The following TSPAN17 variants were observed in gnomAD, a reference collection of about 807,000 sequenced individuals.
TSPAN17 encodes tetraspanin 17.
In TSPAN17, 33 loss-of-function variants were observed where a neutral mutation model predicts 40.5. The ratio of observed to expected loss-of-function variants is 0.81; its 90% CI spans 0.62 to 1.09. The LOEUF (loss-of-function observed/expected upper bound fraction) is 1.09. TSPAN17 is among the 50% of genes least tolerant of loss of function. TSPAN17 has a pLI of 0.00. For synonymous variants in TSPAN17, 166 were observed against 169.4 expected, an observed-to-expected ratio of 0.98 and a Z score of 0.15; for missense variants, 365 against 416.8, an observed-to-expected ratio of 0.88 and a Z score of 1.08.
rs1761205276 is a variant in TSPAN17, at chr5:176,657,535, A to T, written c.827A>T (p.Asp276Val). 1 of 1,598,042 alleles carries T rather than the reference A, an allele frequency of 6.3e-7. No homozygotes were observed. Residue 276 changes from aspartate (D) to valine (V), a missense_variant, in exon 9 of 9, where the codon GAC becomes GTC. Asp to Val is a radical substitution (Grantham distance 152). Coordinates refer to ENST00000508164, the MANE Select transcript of TSPAN17 (RefSeq NM_130465.5). ...CCTCTCAGGAGCAAATGGAATGATG[A>T]CTTTGAAAACCACTGGCTTACGCCC... ...VKANWSKWND[D>V]FENHWLTPTI...
chr5:176,647,844 C>CTT (rs1760804221), intron 1 of TSPAN17, 142 bp downstream of exon 1: 2 of 745,348 alleles, frequency 2.7e-6, no homozygotes, highest in Non-Finnish European at 4.1e-6. Context: ...CCCACGCCCA[C>CTT]TTCCAGGACC....
Position 176,651,488 on chromosome 5 carries a change from G to A in TSPAN17, c.88-128G>A. On this transcript the variant is annotated intron_variant, in intron 1 of 8. Transcript: ENST00000508164. The surrounding 1 kb of genome is among the most constrained non-coding windows in gnomAD (Gnocchi z 4.5). ...TTCTTGGGAAGATGGAAAGGACCCCGGATCCCGTTCACAGCCCTTGTGCCT... is the reference window on the plus strand; with the variant it reads ...TTCTTGGGAAGATGGAAAGGACCCCAGATCCCGTTCACAGCCCTTGTGCCT... 4.0e-6 allele frequency: 4 copies of A among 993,138 alleles called. No homozygotes were observed. Among genetic ancestry groups the A allele is most frequent in the Non-Finnish European group, 5.8e-6 (4 of 690,334 alleles). 61.5% of individuals were successfully genotyped at this position (993,138 alleles called of 1,614,324 possible). A position where few individuals can be genotyped will look rare whatever the true frequency, so the allele number is the denominator to read the frequency against.
chr5:176,648,300 T>A (rs1760826051), intron 1 of TSPAN17, among the ~76,000 whole-genome samples: 1 of 152,128 alleles, frequency 6.6e-6, no homozygotes, highest in Admixed American at 6.5e-5. Flanking sequence ...GGAGAGGATC[T>A]CCCCGGTTGA....
intron 1 of TSPAN17, among the ~76,000 whole-genome samples, chr5:176,649,378 G>T (rs931305794): frequency 6.6e-6 from 1 of 151,946 alleles, no homozygotes; most frequent in Non-Finnish European, 1.5e-5. Flanking sequence ...ATGTCAGGCA[G>T]ACCCTGGTGT....
At position 176,650,941 on chromosome 5, in the gene TSPAN17, C is replaced by A. The variant is rs1040227999; in HGVS notation, c.88-675C>A. On this transcript the variant is annotated intron_variant, in intron 1 of 8. Coordinates refer to ENST00000508164, the MANE Select transcript of TSPAN17 (RefSeq NM_130465.5). This position sits in a 1 kb window ranked among gnomAD's most constrained non-coding sequence, Gnocchi z 4.0. ...GAAAGCTGAGGATGGAGGAGAGGCA[C>A]TTGGACTGCCCCGGTGGGGAGTCTA... Among the ~76,000 whole-genome samples, 1 of 152,168 alleles carries A rather than the reference C, an allele frequency of 6.6e-6. No homozygotes were observed. Among genetic ancestry groups the A allele is most frequent in the Non-Finnish European group, 1.5e-5 (1 of 68,006 alleles).
intron 4 of TSPAN17, chr5:176,653,880 T>C (rs1761056836): frequency 1.3e-5 from 2 of 152,198 alleles, no homozygotes; most frequent in Non-Finnish European, 2.9e-5. Flanking sequence ...GGAAGAAAGC[T>C]GGGACCTGTC....
Position 176,650,633 on chromosome 5 carries a change from G to T in TSPAN17, c.88-983G>T, listed in dbSNP as rs1760930911. On this transcript the variant is annotated intron_variant, in intron 1 of 8. Transcript: ENST00000508164. This position sits in a 1 kb window ranked among gnomAD's most constrained non-coding sequence, Gnocchi z 4.0. Reference sequence around the variant, plus strand: ...ACCCAGCAGGCAGGAGGGAAGGGAAGATGTTTCCAGAGAAAGAATAGAGCA... The same window carrying T: ...ACCCAGCAGGCAGGAGGGAAGGGAATATGTTTCCAGAGAAAGAATAGAGCA... 6.6e-6 allele frequency among the ~76,000 whole-genome samples: 1 copy of T among 152,216 alleles called. No individual in the cohort carries two copies. Among genetic ancestry groups the T allele is most frequent in the African/African-American group, 2.4e-5 (1 of 41,454 alleles).
intron 4 of TSPAN17, chr5:176,653,184 C>T (rs558664304): frequency 4.7e-5 from 16 of 340,720 alleles, no homozygotes; most frequent in Non-Finnish European, 6.0e-5. Context: ...CTACGACACA[C>T]GGGAGAATGG....
rs750410394 is a variant in TSPAN17, at chr5:176,656,775, A to G, written c.706A>G (p.Ile236Val). Residue 236 changes from isoleucine to valine, a missense_variant, in exon 7 of 9, where the codon ATT becomes GTT. Ile to Val is a conservative substitution (Grantham distance 29). Transcript: ENST00000508164. ...QFEKWLQDNL[I>V]VVAGVFMGIA... ...TGAGAAGTGGCTGCAGGACAACCTG[A>G]TTGTGGTGGCGGGAGTCTTCATGGG... is the stretch of plus-strand genomic sequence containing the variant. The G allele has an allele frequency of 9.9e-6, 16 of 1,614,166 alleles. No individual in the cohort carries two copies. The highest frequency in any genetic ancestry group is 4.4e-5 in the South Asian group (4 of 91,086).
In TSPAN17 at chr5:176,657,673, CT is replaced by C; in HGVS notation, c.966del (p.Glu323SerfsTer20). 4 of 1,568,580 alleles carry C rather than the reference CT, an allele frequency of 2.6e-6. No homozygotes were observed. Among genetic ancestry groups the C allele is most frequent in the Middle Eastern group, 2.0e-4 (1 of 4,932 alleles). Reference protein sequence around the residue: ...HVFFGLGGLYPEPTFKNW With the variant: ...HVFFGLGGLYXEPTFKNW The stretch of plus-strand genomic sequence containing the variant: ...TTCTTTGGCCTGGGTGGTTTATACC[CT>C]GAGCCAACCTTTAAAAATTGGTAGA... On this transcript the variant is annotated frameshift_variant, in exon 9 of 9. Coordinates refer to ENST00000508164, the MANE Select transcript of TSPAN17 (RefSeq NM_130465.5). LOFTEE classifies it high-confidence loss of function.
intron 3 of TSPAN17, 120 bp from the exon 4 acceptor site, chr5:176,652,622 TG>T: frequency 1.1e-6 from 1 of 881,608 alleles, no homozygotes; most frequent in Non-Finnish European, 1.8e-6. Context: ...GTGGGGGCTC[TG>T]GGCGCCTCTG....
At chr5:176,657,021 A>G (rs964981382) in intron 8 of TSPAN17, 65 bp downstream of exon 8, 2 of 1,507,134 alleles carry the variant, frequency 1.3e-6, no homozygotes, top group Non-Finnish European at 1.8e-6. Context: ...GCCCCCCAGG[A>G]CCCTCCTACT....
At position 176,652,734 on chromosome 5, in the gene TSPAN17, C is replaced by A. The variant is rs1161848022; in HGVS notation, c.286-9C>A. 6.2e-7 allele frequency: 1 copy of A among 1,613,896 alleles called. No homozygotes were observed. Among genetic ancestry groups the A allele is most frequent in the Non-Finnish European group, 8.5e-7 (1 of 1,179,852 alleles). ...TTCCAACCCCTACTGTCTGTATGCC[C>A]AACCCCAGTTCTCCGTGTTCCTCGG... On this transcript the variant is annotated splice_polypyrimidine_tract_variant and intron_variant, in intron 3 of 8. Transcript: ENST00000508164.
Position 176,650,390 on chromosome 5 carries a change from T to C in TSPAN17, c.88-1226T>C, listed in dbSNP as rs1378454339. 1.3e-5 allele frequency among the ~76,000 whole-genome samples: 2 copies of C among 152,120 alleles called. No homozygotes were observed. Among genetic ancestry groups the C allele is most frequent in the Non-Finnish European group, 2.9e-5 (2 of 68,016 alleles). ...TCCCAGCTGTTTTCCCAAAGTGCTT[T>C]AATTGTATTTCCTTGGCTCTGATTG... On this transcript the variant is annotated intron_variant, in intron 1 of 8. Transcript: ENST00000508164. The surrounding 1 kb of genome is among the most constrained non-coding windows in gnomAD (Gnocchi z 4.0).
chr5:176,649,577 G>C (rs1346193712), intron 1 of TSPAN17, among the ~76,000 whole-genome samples: 1 of 152,100 alleles, frequency 6.6e-6, no homozygotes, highest in Non-Finnish European at 1.5e-5. Context: ...ATAGGTGTGT[G>C]CCACCACGCC....
rs1022423081 is a variant in TSPAN17, at chr5:176,651,037, G to C, written c.88-579G>C. Among the ~76,000 whole-genome samples, 1 of 152,240 alleles carries C rather than the reference G, an allele frequency of 6.6e-6. No individual in the cohort carries two copies. The highest frequency in any genetic ancestry group is 6.5e-5 in the Admixed American group (1 of 15,288). ...GCCACTGGCACAGGCCAGATCCTAGGTGGATCCTGCTAGGGATGATTGAGA... is the reference window on the plus strand; with the variant it reads ...GCCACTGGCACAGGCCAGATCCTAGCTGGATCCTGCTAGGGATGATTGAGA... On this transcript the variant is annotated intron_variant, in intron 1 of 8. Coordinates refer to ENST00000508164, the MANE Select transcript of TSPAN17 (RefSeq NM_130465.5). The surrounding 1 kb of genome is among the most constrained non-coding windows in gnomAD (Gnocchi z 4.5).
rs1301571270 is a variant in TSPAN17 at position 176,657,620 on chromosome 5, T to C, written c.912T>C (p.Pro304=). 2 of 1,613,572 alleles carry C rather than the reference T, an allele frequency of 1.2e-6. No individual in the cohort carries two copies. Among genetic ancestry groups the C allele is most frequent in the East Asian group, 4.5e-5 (2 of 44,888 alleles). Residue 304 remains proline, a synonymous_variant, in exon 9 of 9, where the codon CCT becomes CCC. Transcript: ENST00000508164. ...AGCAGAACTCTCTGACTGGGGCCCC[T>C]GGCCCGGCCCCACCCAGCCGACATG... ...GPQQNSLTGA[P]GPAPPSRHVF...
intron 4 of TSPAN17, chr5:176,653,161 C>A: frequency 2.4e-6 from 1 of 412,688 alleles, no homozygotes; most frequent in Non-Finnish European, 4.5e-6. Context: ...GCTAGCAGCT[C>A]CCAGGCCAGG....
rs1056991364 is a variant in TSPAN17 at position 176,651,743 on chromosome 5, G to T, written c.139-11G>T. Reference sequence around the variant, plus strand: ...TCAGCTCCCCACACCTGCCTCTGCTGCCCGGCACAGGGCGTTCTCTCGAAC... The same window carrying T: ...TCAGCTCCCCACACCTGCCTCTGCTTCCCGGCACAGGGCGTTCTCTCGAAC... On this transcript the variant is annotated splice_polypyrimidine_tract_variant and intron_variant, in intron 2 of 8. Transcript: ENST00000508164. This position sits in a 1 kb window ranked among gnomAD's most constrained non-coding sequence, Gnocchi z 4.5. 6.3e-5 allele frequency: 101 copies of T among 1,614,002 alleles called. No individual in the cohort carries two copies. The highest frequency in any genetic ancestry group is 8.5e-5 in the Non-Finnish European group (100 of 1,179,978).
Sources: gnomAD v4.1 joint callset for allele counts (sites outside exome capture counted in the v4.1 genomes callset) on GRCh38, gnomAD v4.1.1 for gene constraint, Gnocchi (gnomAD v3.1) non-coding constraint, MANE v1.5 for transcripts, NCBI Gene and HGNC (gene_info 2026-07-23, HGNC 2026-07-21) for gene names.